The following PCDHA4 variants were observed in gnomAD, a reference collection of about 807,000 sequenced individuals.
PCDHA4 encodes protocadherin alpha 4.
Under a neutral mutation model 61.4 loss-of-function variants are expected in PCDHA4, and 49 were observed. The ratio of observed to expected loss-of-function variants is 0.80; its 90% CI spans 0.63 to 1.01. PCDHA4 has a LOEUF of 1.01. PCDHA4 is among the 50% of genes least tolerant of loss of function. PCDHA4 has a pLI of 0.00. For synonymous variants in PCDHA4, 590 were observed against 550.3 expected (o/e 1.07, Z -1.01); for missense variants, 1,254 against 1,235.8 (o/e 1.01, Z -0.22).
intron 1 of PCDHA4, among the ~76,000 whole-genome samples, chr5:140,888,414 T>C (rs530730994): frequency 2.6e-5 from 4 of 152,170 alleles, no homozygotes; most frequent in Non-Finnish European, 5.9e-5. Context: ...CTGCCAAACA[T>C]CCTACCGTGC....
intron 3 of PCDHA4, among the ~76,000 whole-genome samples, chr5:140,993,460 T>TCA (rs1554253699): frequency 1.6e-3 from 169 of 104,560 alleles, no homozygotes; most frequent in African/African-American, 3.8e-3. Flanking sequence ...CTTCTTTCTT[T>TCA]CTCACACACA....
chr5:140,897,461 A>G (rs1374397258), intron 1 of PCDHA4, among the ~76,000 whole-genome samples: 5 of 151,630 alleles, frequency 3.3e-5, no homozygotes, highest in African/African-American at 4.8e-5. Flanking sequence ...TCCTTGCGAT[A>G]GTTTACTGAG....
rs3822348 is a variant in PCDHA4, at chr5:140,807,476, C to G, written c.289C>G (p.Arg97Gly). Residue 97 changes from arginine (R) to glycine (G), a missense_variant, in exon 1 of 4, where the codon CGG becomes GGG. Physicochemically the swap from Arg to Gly is moderately radical, Grantham distance 125. Transcript: ENST00000530339. ...TCGGATCGACCGGGAGGAGCTGTGC[C>G]GGCGGAGCGCGGAGTGCAGCATCCA... ...NSRIDREELC[R>G]RSAECSIHLE... 2.7e-4 allele frequency: 443 copies of G among 1,612,944 alleles called. 2 individuals are homozygous for G. In the East Asian group the frequency reaches 8.6e-3, roughly 31 times the overall value.
intron 1 of PCDHA4, chr5:140,843,709 C>A: frequency 6.3e-7 from 1 of 1,574,864 alleles, no homozygotes; most frequent in Non-Finnish European, 8.7e-7. Flanking sequence ...TTGATCATGG[C>A]CTCAAAGTAA....
At chr5:140,868,370 A>C (rs1424656791) in intron 1 of PCDHA4, 2 of 152,204 alleles carry the variant, frequency 1.3e-5, no homozygotes, top group African/African-American at 4.8e-5. Flanking sequence ...TGTAAATAAC[A>C]GTAAAGAATG....
rs1220718510 is a variant in PCDHA4, at chr5:140,898,104, A to T, written c.2386-80845A>T. 2.0e-5 allele frequency among the ~76,000 whole-genome samples: 3 copies of T among 152,110 alleles called. No individual in the cohort carries two copies. In the South Asian group the frequency reaches 6.2e-4, roughly 32 times the overall value. On this transcript the variant is annotated intron_variant, in intron 1 of 3. Coordinates refer to ENST00000530339, the MANE Select transcript of PCDHA4 (RefSeq NM_018907.4). Reference sequence around the variant, plus strand: ...CTGGATATTAGCCCTTTGTCAGATGAGTAGGTTGCGAAAATTTTCTCCCAT... The same window carrying T: ...CTGGATATTAGCCCTTTGTCAGATGTGTAGGTTGCGAAAATTTTCTCCCAT...
At chr5:140,840,784 A>G (rs1776867902) in intron 1 of PCDHA4, among the ~76,000 whole-genome samples, 1 of 152,094 alleles carries the variant, frequency 6.6e-6, no homozygotes, top group East Asian at 1.9e-4. Context: ...TTAGAATTAT[A>G]TGCTCACCTC....
chr5:140,969,061 T>C (rs782313439), intron 1 of PCDHA4: 25 of 1,614,070 alleles, frequency 1.5e-5, no homozygotes, highest in Non-Finnish European at 4.2e-6. Flanking sequence ...ACAATATTGA[T>C]GCCAGGATAC....
At chr5:140,841,678 G>T (rs1451404263) in intron 1 of PCDHA4, 5 of 1,613,862 alleles carry the variant, frequency 3.1e-6, no homozygotes, top group Middle Eastern at 1.6e-4. Flanking sequence ...TTTTCCATGT[G>T]GACGTGGAGG....
intron 1 of PCDHA4, among the ~76,000 whole-genome samples, chr5:140,837,823 G>A (rs1554136656): frequency 1.3e-5 from 2 of 151,542 alleles, no homozygotes; most frequent in Admixed American, 1.3e-4. Flanking sequence ...AATACAGTTT[G>A]CATGTCATTG....
intron 1 of PCDHA4, among the ~76,000 whole-genome samples, chr5:140,953,252 T>C (rs557973424): frequency 3.3e-5 from 5 of 152,318 alleles, no homozygotes; most frequent in Admixed American, 1.3e-4. Context: ...TTCAGTTTAG[T>C]TCTTTTAGCT....
intron 1 of PCDHA4, chr5:140,824,152 A>G (rs184380215): frequency 1.9e-6 from 3 of 1,611,614 alleles, no homozygotes; most frequent in Middle Eastern, 1.7e-4. Context: ...ATTAACATCC[A>G]TCTTTCCCTC....
chr5:140,822,466 G>T (rs1554128658), intron 1 of PCDHA4: 1 of 1,613,560 alleles, frequency 6.2e-7, no homozygotes, highest in African/African-American at 1.3e-5. Flanking sequence ...GTTGATCAAT[G>T]TATTGGATGC....
intron 1 of PCDHA4, chr5:140,823,268 TG>T: frequency 6.2e-7 from 1 of 1,607,684 alleles, no homozygotes; most frequent in South Asian, 1.1e-5. Flanking sequence ...GAGCGGCGGG[TG>T]GGCGAGCGCC....
intron 3 of PCDHA4, among the ~76,000 whole-genome samples, chr5:140,985,509 T>C (rs6886977): frequency 1.5e-3 from 223 of 152,280 alleles, no homozygotes; most frequent in African/African-American, 4.4e-3. Context: ...CTTTCATTGA[T>C]TCTGTTGCCC....
At chr5:140,867,316 T>C (rs1234644689) in intron 1 of PCDHA4, 5 of 152,146 alleles carry the variant, frequency 3.3e-5, no homozygotes, top group African/African-American at 1.2e-4. Context: ...TGTCATCTGG[T>C]CTAATGTTAT....
intron 1 of PCDHA4, chr5:140,811,587 A>C (rs1764911174): frequency 6.6e-6 from 1 of 152,186 alleles, no homozygotes; most frequent in South Asian, 2.1e-4. Flanking sequence ...TGTCTTCCAC[A>C]ATGGTTGAAC....
intron 1 of PCDHA4, chr5:140,822,912 T>G: frequency 1.2e-6 from 2 of 1,614,222 alleles, no homozygotes; most frequent in Non-Finnish European, 1.7e-6. Flanking sequence ...GTGACTCAGG[T>G]GCCAACGGGC....
intron 1 of PCDHA4, among the ~76,000 whole-genome samples, chr5:140,905,949 A>T (rs897929607): frequency 2.0e-5 from 3 of 152,242 alleles, no homozygotes; most frequent in African/African-American, 7.2e-5. Context: ...TTGGAATCCG[A>T]TGTTCAAGGG....
Sources: allele counts gnomAD v4.1 joint callset (sites outside exome capture counted in the v4.1 genomes callset), GRCh38; gene constraint gnomAD v4.1.1; transcripts MANE v1.5; gene names NCBI Gene and HGNC (gene_info 2026-07-23, HGNC 2026-07-21).